Variants in BBX observed in about 807,000 individuals in gnomAD.
BBX encodes the protein HMG box transcription factor BBX.
A neutral mutation model predicts 100.2 loss-of-function variants in BBX; 30 were observed. The observed-to-expected ratio is 0.30, with a 90% CI of 0.22 to 0.41. The LOEUF is 0.41. BBX is among the 10% of genes least tolerant of loss of function. BBX has a pLI of 1.00. For missense variants in BBX, 1,023 were observed against 1,129.8 expected, an observed-to-expected ratio of 0.91 and a Z score of 1.35; for synonymous variants, 376 against 388.1, an observed-to-expected ratio of 0.97 and a Z score of 0.37.
intron 3 of BBX, chr3:107,659,489 C>G (rs2058330536): frequency 5.6e-6 from 1 of 177,478 alleles, no homozygotes; most frequent in African/African-American, 2.4e-5. Context: ...ATGCATACAC[C>G]TGTGTAACCC....
chr3:107,705,872 G>C (rs1382631553), intron 3 of BBX, among the ~76,000 whole-genome samples: 1 of 152,058 alleles, frequency 6.6e-6, no homozygotes, highest in Non-Finnish European at 1.5e-5. Flanking sequence ...GATTCTAAAG[G>C]AAGCCTATCA....
At chr3:107,610,681 G>A (rs1425894263) in intron 2 of BBX, among the ~76,000 whole-genome samples, 1 of 151,186 alleles carries the variant, frequency 6.6e-6, no homozygotes, top group East Asian at 1.9e-4. Flanking sequence ...CTTTTCTTTG[G>A]TTTCTACTTG....
chr3:107,527,769 G>C (rs1226636582), intron 2 of BBX, among the ~76,000 whole-genome samples: 1 of 152,156 alleles, frequency 6.6e-6, no homozygotes, highest in Non-Finnish European at 1.5e-5. Flanking sequence ...GGTTCTATAA[G>C]TTGAATTTAG....
At chr3:107,600,760 T>G (rs2107618997) in intron 2 of BBX, among the ~76,000 whole-genome samples, 1 of 152,252 alleles carries the variant, frequency 6.6e-6, no homozygotes, top group South Asian at 2.1e-4. Context: ...ATATTAAAAG[T>G]TCTAGAGAAG....
intron 2 of BBX, among the ~76,000 whole-genome samples, chr3:107,630,410 G>A (rs780683545): frequency 1.3e-5 from 2 of 151,868 alleles, no homozygotes; most frequent in Admixed American, 6.6e-5. Flanking sequence ...TCCTTTGCAC[G>A]ATGCGAGGGG....
chr3:107,768,594 A>C (rs1309919166), intron 10 of BBX, among the ~76,000 whole-genome samples: 4 of 152,216 alleles, frequency 2.6e-5, no homozygotes. Context: ...AGATAAACTT[A>C]ATAAGAAAAA....
intron 5 of BBX, among the ~76,000 whole-genome samples, chr3:107,723,184 G>C (rs575855889): frequency 1.3e-5 from 2 of 151,798 alleles, no homozygotes; most frequent in South Asian, 4.1e-4. Context: ...ATCTCACTAG[G>C]GTTGCCACTT....
chr3:107,799,669 C>T (rs970472814), intron 16 of BBX, among the ~76,000 whole-genome samples: 1 of 152,146 alleles, frequency 6.6e-6, no homozygotes, highest in African/African-American at 2.4e-5. Flanking sequence ...ACATTCACTT[C>T]CTATATAACT....
intron 2 of BBX, among the ~76,000 whole-genome samples, chr3:107,585,759 ACT>A (rs1436914072): frequency 6.6e-6 from 1 of 152,116 alleles, no homozygotes; most frequent in Non-Finnish European, 1.5e-5. Context: ...GATATATATG[ACT>A]CTCTGGAGAA....
At chr3:107,582,088 T>C (rs1250029040) in intron 2 of BBX, among the ~76,000 whole-genome samples, 1 of 152,070 alleles carries the variant, frequency 6.6e-6, no homozygotes, top group Non-Finnish European at 1.5e-5. Flanking sequence ...CTTAGCTTGC[T>C]AGGGCATCCA....
intron 3 of BBX, among the ~76,000 whole-genome samples, chr3:107,660,641 GATAC>G: frequency 6.6e-6 from 1 of 151,470 alleles, no homozygotes; most frequent in East Asian, 2.0e-4. Flanking sequence ...AAAATATATT[GATAC>G]ACAGTTGAAT....
At chr3:107,638,212 C>A (rs2056966524) in intron 2 of BBX, among the ~76,000 whole-genome samples, 1 of 152,156 alleles carries the variant, frequency 6.6e-6, no homozygotes, top group Non-Finnish European at 1.5e-5. Flanking sequence ...TCACTATGCC[C>A]AGCAAATTTT....
intron 15 of BBX, among the ~76,000 whole-genome samples, chr3:107,795,038 G>A (rs1371382626): frequency 6.6e-6 from 1 of 152,178 alleles, no homozygotes; most frequent in Non-Finnish European, 1.5e-5. Flanking sequence ...AAGTGTTCGG[G>A]TAGTTTTGTG....
intron 3 of BBX, chr3:107,662,439 T>G (rs1441834526): frequency 2.0e-5 from 3 of 152,112 alleles, no homozygotes; most frequent in Non-Finnish European, 4.4e-5. Context: ...TGAAAAGAAG[T>G]ACAGCCAAGT....
intron 11 of BBX, 62 bp from the exon 12 acceptor site, chr3:107,774,657 T>G: frequency 6.4e-7 from 1 of 1,552,788 alleles, no homozygotes; most frequent in Non-Finnish European, 8.7e-7. Context: ...GTGAAGCAAC[T>G]AACATCATCT....
rs368483055 is a variant in BBX, at chr3:107,650,632, C to T, written c.-10+4723C>T. On this transcript the variant is annotated intron_variant, in intron 3 of 17. Transcript: ENST00000325805. ...GTATATAAAAATGGTTTTTTTGGGC[C>T]TGGATTAGTCTTCAAATTGTTCCAG... Among the ~76,000 whole-genome samples the T allele has an allele frequency of 2.1e-4, 32 of 151,908 alleles. 1 individual carries two copies. The South Asian group carries it at 6.7e-3, about 32-fold the overall frequency.
In BBX at chr3:107,531,758, T is replaced by A. The variant is rs1167783987; in HGVS notation, c.-84+5360T>A. Among the ~76,000 whole-genome samples, 78 of 152,058 alleles carry A rather than the reference T, an allele frequency of 5.1e-4. 1 individual carries two copies. Among genetic ancestry groups the A allele is most frequent in the Non-Finnish European group, 4.4e-5 (3 of 67,986 alleles). On this transcript the variant is annotated intron_variant, in intron 2 of 17. Coordinates refer to ENST00000325805, the MANE Select transcript of BBX (RefSeq NM_001142568.3). ...AGTAAAGTACAGTCCTCCTTCAGGT[T>A]TGGGGAATGATTTTCCCACCTCTTT... is the stretch of plus-strand genomic sequence containing the variant.
intron 2 of BBX, among the ~76,000 whole-genome samples, chr3:107,630,212 ATG>A (rs1313124641): frequency 6.6e-6 from 1 of 152,118 alleles, no homozygotes; most frequent in East Asian, 1.9e-4. Flanking sequence ...AGGGGAGAGA[ATG>A]TGTGGTTATC....
At chr3:107,665,166 A>G (rs1231687312) in intron 3 of BBX, among the ~76,000 whole-genome samples, 1 of 152,164 alleles carries the variant, frequency 6.6e-6, no homozygotes, top group African/African-American at 2.4e-5. Flanking sequence ...TACTTATTCA[A>G]TGGGTATTTA....
Sources: allele counts gnomAD v4.1 joint callset (sites outside exome capture counted in the v4.1 genomes callset), GRCh38; gene constraint gnomAD v4.1.1; transcripts MANE v1.5; gene names NCBI Gene and HGNC (gene_info 2026-07-23, HGNC 2026-07-21).